Variants in IL1RAPL2 observed in about 807,000 individuals in gnomAD.
IL1RAPL2 encodes interleukin 1 receptor accessory protein like 2.
IL1RAPL2 carries 3 observed loss-of-function variants against 44.1 expected under a neutral mutation model. The ratio of observed to expected loss-of-function variants is 0.07; its 90% CI spans 0.03 to 0.18. The LOEUF is 0.18. IL1RAPL2 is among the 10% of genes least tolerant of loss of function. IL1RAPL2 has a pLI of 1.00. For synonymous variants in IL1RAPL2, 181 were observed against 178.8 expected (o/e 1.01, Z -0.10); for missense variants, 391 against 496.4 (o/e 0.79, Z 2.02).
At chrX:105,430,699 T>G (rs1168041507) in intron 5 of IL1RAPL2, among the ~76,000 whole-genome samples, 1 of 111,496 alleles carries the variant, frequency 9.0e-6, no homozygotes, top group Non-Finnish European at 1.9e-5. Flanking sequence ...CATGTCTATA[T>G]TCATCATGAC....
intron 2 of IL1RAPL2, among the ~76,000 whole-genome samples, chrX:104,841,372 T>C (rs1318854091): frequency 8.9e-6 from 1 of 112,011 alleles, no homozygotes; most frequent in African/African-American, 3.2e-5. Context: ...TAATTGGGGC[T>C]TTTAGCCCAT....
intron 6 of IL1RAPL2, among the ~76,000 whole-genome samples, chrX:105,659,453 C>G (rs1446374319): frequency 1.8e-5 from 2 of 109,620 alleles, no homozygotes; most frequent in Non-Finnish European, 3.8e-5. Flanking sequence ...GTCAGCAGAT[C>G]GAGACCATCC....
At chrX:105,390,140 ACT>A (rs1198854687) in intron 5 of IL1RAPL2, among the ~76,000 whole-genome samples, 2 of 111,053 alleles carry the variant, frequency 1.8e-5, no homozygotes, top group African/African-American at 6.6e-5. Flanking sequence ...TAACAGTCAG[ACT>A]CTCAGACAAA....
chrX:104,964,279 G>GATTTATTTATTT (rs199756067), intron 2 of IL1RAPL2, among the ~76,000 whole-genome samples: 1 of 100,863 alleles, frequency 9.9e-6, no homozygotes, highest in African/African-American at 3.6e-5. Context: ...TTGTGCCAGG[G>GATTTATTTATTT]ATTTATTTAT....
chrX:105,491,455 T>A (rs933826015), intron 6 of IL1RAPL2, among the ~76,000 whole-genome samples: 3 of 111,910 alleles, frequency 2.7e-5, no homozygotes, highest in African/African-American at 9.7e-5. Context: ...TCTTACCCTC[T>A]TAGTTTCAAA....
At chrX:104,975,941 A>G (rs987168687) in intron 2 of IL1RAPL2, among the ~76,000 whole-genome samples, 3 of 111,338 alleles carry the variant, frequency 2.7e-5, no homozygotes, top group Non-Finnish European at 5.7e-5. Flanking sequence ...CGGAGCAGCT[A>G]GGAGGGGATT....
intron 6 of IL1RAPL2, among the ~76,000 whole-genome samples, chrX:105,537,033 C>T (rs911051453): frequency 2.7e-5 from 3 of 111,178 alleles, no homozygotes; most frequent in Non-Finnish European, 5.7e-5. Flanking sequence ...CATGTTGTGA[C>T]TTTTTGCTTT....
intron 6 of IL1RAPL2, among the ~76,000 whole-genome samples, chrX:105,513,000 C>T (rs1251635532): frequency 1.8e-5 from 2 of 110,432 alleles, no homozygotes; most frequent in Admixed American, 9.7e-5. Flanking sequence ...CTCCCACTTA[C>T]GAGTGAGATC....
chrX:105,479,258 A>G (rs2036217405), intron 5 of IL1RAPL2, among the ~76,000 whole-genome samples: 1 of 111,794 alleles, frequency 8.9e-6, no homozygotes, highest in Non-Finnish European at 1.9e-5. Flanking sequence ...GTAAAATGTA[A>G]TATAAAATGT....
intron 6 of IL1RAPL2, among the ~76,000 whole-genome samples, chrX:105,520,009 C>T (rs185157028): frequency 3.8e-4 from 42 of 111,823 alleles, no homozygotes; most frequent in African/African-American, 1.4e-3. Context: ...TAAATGGAAG[C>T]TACCAAACAT....
intron 2 of IL1RAPL2, among the ~76,000 whole-genome samples, chrX:104,799,499 C>T (rs2147612473): frequency 9.0e-6 from 1 of 111,214 alleles, no homozygotes; most frequent in Admixed American, 9.6e-5. Flanking sequence ...CTGACAAATT[C>T]CCAGGTGATG....
At position 105,579,709 on chromosome X, in the gene IL1RAPL2, C is replaced by A. The variant is rs147926962; in HGVS notation, c.772+95322C>A. On this transcript the variant is annotated intron_variant, in intron 6 of 10. Transcript: ENST00000372582. ...AAGAACTAAGGCCCAAAGAGTAACA[C>A]TAACTTGCTCAAGATCACGTAAGTA... Among the ~76,000 whole-genome samples the A allele has an allele frequency of 2.3e-3, 253 of 111,862 alleles. 1 individual carries two copies. In the Middle Eastern group the frequency reaches 0.028, roughly 13 times the overall value.
At chrX:104,937,194 A>G (rs1020580003) in intron 2 of IL1RAPL2, among the ~76,000 whole-genome samples, 5 of 112,513 alleles carry the variant, frequency 4.4e-5, no homozygotes, top group Non-Finnish European at 3.8e-5. Flanking sequence ...GGAAAATGCT[A>G]TTGTAAGAAA....
chrX:105,451,954 A>G (rs2147762086), intron 5 of IL1RAPL2, among the ~76,000 whole-genome samples: 1 of 111,139 alleles, frequency 9.0e-6, no homozygotes, highest in Non-Finnish European at 1.9e-5. Context: ...AAGTCCTCCA[A>G]TATATAATTA....
intron 1 of IL1RAPL2, among the ~76,000 whole-genome samples, chrX:104,594,148 A>C (rs936820165): frequency 3.6e-5 from 4 of 112,108 alleles, no homozygotes; most frequent in African/African-American, 1.3e-4. Context: ...AATACCTGTC[A>C]TTATGGAGCT....
At chrX:104,627,768 G>A (rs1569284051) in intron 1 of IL1RAPL2, among the ~76,000 whole-genome samples, 3 of 111,141 alleles carry the variant, frequency 2.7e-5, no homozygotes, top group African/African-American at 9.8e-5. Flanking sequence ...ATCTGAAAAG[G>A]GAGCCTGGTG....
rs1924033566 is a variant in IL1RAPL2 at position 104,906,945 on chromosome X, G to T, written c.82+247950G>T. Among the ~76,000 whole-genome samples, 3 of 111,487 alleles carry T rather than the reference G, an allele frequency of 2.7e-5. No individual in the cohort carries two copies. The South Asian group carries it at 1.1e-3, about 42-fold the overall frequency. ...TCCTTCTGGTCCTGGACTCTTTTTG[G>T]TTGGTAAGCTATTGATTATTGCCAC... On this transcript the variant is annotated intron_variant, in intron 2 of 10. Coordinates refer to ENST00000372582, the MANE Select transcript of IL1RAPL2 (RefSeq NM_017416.2).
intron 6 of IL1RAPL2, among the ~76,000 whole-genome samples, chrX:105,498,716 A>T (rs1344185920): frequency 8.9e-6 from 1 of 111,953 alleles, no homozygotes; most frequent in Non-Finnish European, 1.9e-5. Flanking sequence ...GAACAAAATT[A>T]AAAAAACAAT....
At chrX:104,854,472 C>T (rs931504262) in intron 2 of IL1RAPL2, among the ~76,000 whole-genome samples, 2 of 111,688 alleles carry the variant, frequency 1.8e-5, no homozygotes, top group East Asian at 5.7e-4. Flanking sequence ...TAATACCACA[C>T]AGGCTATTTG....
Sources: gnomAD v4.1 joint callset for allele counts (sites outside exome capture counted in the v4.1 genomes callset) on GRCh38, gnomAD v4.1.1 for gene constraint, MANE v1.5 for transcripts, NCBI Gene and HGNC (gene_info 2026-07-23, HGNC 2026-07-21) for gene names.